Variants in ST6GALNAC3 observed in about 807,000 individuals in gnomAD.
ST6GALNAC3 encodes ST6 N-acetylgalactosaminide alpha-2,6-sialyltransferase 3.
A neutral mutation model predicts 32.7 loss-of-function variants in ST6GALNAC3; 25 were observed. The ratio of observed to expected loss-of-function variants is 0.76; its 90% CI spans 0.56 to 1.07. The LOEUF (loss-of-function observed/expected upper bound fraction) is 1.07. Ranked by LOEUF, ST6GALNAC3 falls within the 50% of genes least tolerant of loss-of-function variation. The probability of loss-of-function intolerance (pLI) is 0.00; values close to 1 mark genes in which losing one functional copy is unlikely to be tolerated. For synonymous variants in ST6GALNAC3, 129 were observed against 133.1 expected (o/e 0.97, Z 0.21); for missense variants, 355 against 382.4 (o/e 0.93, Z 0.60).
At chr1:76,492,657 GTAGTCCGTGGTA>G (rs1201202093) in intron 3 of ST6GALNAC3, among the ~76,000 whole-genome samples, 1 of 152,142 alleles carries the variant, frequency 6.6e-6, no homozygotes, top group African/African-American at 2.4e-5. Flanking sequence ...TGAATGTGAA[GTAGTCCGTGGTA>G]TAGGACAGCA....
intron 2 of ST6GALNAC3, among the ~76,000 whole-genome samples, chr1:76,318,488 C>T (rs1646909164): frequency 1.3e-5 from 2 of 152,104 alleles, no homozygotes; most frequent in Admixed American, 6.6e-5. Flanking sequence ...CTCATCAACA[C>T]GTGTTTAAGC....
intron 3 of ST6GALNAC3, among the ~76,000 whole-genome samples, chr1:76,542,713 T>C (rs138435740): frequency 6.6e-6 from 1 of 152,314 alleles, no homozygotes; most frequent in Non-Finnish European, 1.5e-5. Flanking sequence ...TTTCCAATAA[T>C]ATCCATCTAA....
chr1:76,506,207 G>A (rs1029526911), intron 3 of ST6GALNAC3, among the ~76,000 whole-genome samples: 1 of 152,148 alleles, frequency 6.6e-6, no homozygotes, highest in Admixed American at 6.5e-5. Flanking sequence ...TCTACGTGGT[G>A]CAGGGAAAGC....
chr1:76,559,365 C>T (rs1665114310), intron 3 of ST6GALNAC3, among the ~76,000 whole-genome samples: 1 of 152,136 alleles, frequency 6.6e-6, no homozygotes, highest in Non-Finnish European at 1.5e-5. Flanking sequence ...ACACAACCCT[C>T]CAAAATTAAC....
At chr1:76,408,148 A>T (rs1653966190) in intron 2 of ST6GALNAC3, among the ~76,000 whole-genome samples, 1 of 152,032 alleles carries the variant, frequency 6.6e-6, no homozygotes, top group South Asian at 2.1e-4. Flanking sequence ...GAAGCTCCTG[A>T]TTATGATTAG....
At chr1:76,089,861 T>C (rs550088833) in intron 1 of ST6GALNAC3, among the ~76,000 whole-genome samples, 2 of 152,064 alleles carry the variant, frequency 1.3e-5, no homozygotes, top group Admixed American at 6.5e-5. Context: ...GCACCTACAA[T>C]GTGGCAGATG....
intron 2 of ST6GALNAC3, among the ~76,000 whole-genome samples, chr1:76,335,154 T>C (rs1647357594): frequency 1.3e-5 from 2 of 152,194 alleles, no homozygotes; most frequent in African/African-American, 4.8e-5. Flanking sequence ...AAGTGAAAAT[T>C]GTAAGAAGCA....
intron 3 of ST6GALNAC3, among the ~76,000 whole-genome samples, chr1:76,450,057 C>T (rs1216152537): frequency 5.3e-5 from 8 of 152,142 alleles, no homozygotes; most frequent in African/African-American, 2.4e-5. Context: ...GTATCTTTTT[C>T]GTATAATGAC....
In ST6GALNAC3 at chr1:76,174,042, T is replaced by C. The variant is rs536634103; in HGVS notation, c.18+99158T>C. ...CTACAAAGATACATGCACATGTATG[T>C]TTCCTACAGCACTATTTACGATAGC... On this transcript the variant is annotated intron_variant, in intron 1 of 4. Coordinates refer to ENST00000328299, the MANE Select transcript of ST6GALNAC3 (RefSeq NM_152996.4). Among the ~76,000 whole-genome samples the C allele has an allele frequency of 3.3e-5, 5 of 152,270 alleles. No individual in the cohort carries two copies. The East Asian group carries it at 7.7e-4, about 23-fold the overall frequency.
intron 3 of ST6GALNAC3, among the ~76,000 whole-genome samples, chr1:76,585,731 T>C (rs775296411): frequency 6.6e-6 from 1 of 152,222 alleles, no homozygotes; most frequent in Non-Finnish European, 1.5e-5. Context: ...AACCAACCCA[T>C]TCCATAAGCC....
At chr1:76,097,805 C>T (rs961320240) in intron 1 of ST6GALNAC3, among the ~76,000 whole-genome samples, 2 of 152,102 alleles carry the variant, frequency 1.3e-5, no homozygotes, top group African/African-American at 2.4e-5. Context: ...TGTGAACATT[C>T]CTGTACCTGT....
chr1:76,363,666 G>T (rs1431795714), intron 2 of ST6GALNAC3, among the ~76,000 whole-genome samples: 2 of 152,170 alleles, frequency 1.3e-5, no homozygotes, highest in Non-Finnish European at 2.9e-5. Context: ...AATTTATAAA[G>T]AAAATAGGTT....
At chr1:76,587,495 T>C (rs918592979) in intron 3 of ST6GALNAC3, among the ~76,000 whole-genome samples, 1 of 152,200 alleles carries the variant, frequency 6.6e-6, no homozygotes, top group Admixed American at 6.5e-5. Context: ...TGCATTCTGC[T>C]GCCCGTCCTG....
chr1:76,236,677 A>G (rs1656678895), intron 1 of ST6GALNAC3, among the ~76,000 whole-genome samples: 1 of 152,278 alleles, frequency 6.6e-6, no homozygotes, highest in Middle Eastern at 3.4e-3. Context: ...TATAAACAAG[A>G]CTATAATCTC....
intron 1 of ST6GALNAC3, among the ~76,000 whole-genome samples, chr1:76,258,396 TTCAGA>T (rs898936481): frequency 1.3e-5 from 2 of 152,204 alleles, no homozygotes; most frequent in African/African-American, 4.8e-5. Flanking sequence ...ATACTGCTTC[TTCAGA>T]TCTTTGCTTC....
At chr1:76,626,863 C>T (rs1450245908) in intron 3 of ST6GALNAC3, among the ~76,000 whole-genome samples, 3 of 151,882 alleles carry the variant, frequency 2.0e-5, no homozygotes, top group Admixed American at 6.6e-5. Context: ...AATGGAAATA[C>T]AATGAAGAAG....
chr1:76,114,917 C>CAAAAAA (rs542571151), intron 1 of ST6GALNAC3, among the ~76,000 whole-genome samples: 3 of 78,956 alleles, frequency 3.8e-5, no homozygotes, highest in Non-Finnish European at 5.2e-5. Flanking sequence ...GACCTTGTCT[C>CAAAAAA]AAAAAAAAAA....
chr1:76,443,787 G>A (rs1455141864), intron 3 of ST6GALNAC3, among the ~76,000 whole-genome samples: 2 of 152,160 alleles, frequency 1.3e-5, no homozygotes, highest in Non-Finnish European at 2.9e-5. Context: ...ATAGAAAGTA[G>A]CCTTCTAGTC....
intron 1 of ST6GALNAC3, among the ~76,000 whole-genome samples, chr1:76,268,697 A>G (rs1043720008): frequency 1.3e-5 from 2 of 152,198 alleles, no homozygotes; most frequent in Non-Finnish European, 2.9e-5. Flanking sequence ...AGCAAAGTAG[A>G]TGTGCTGGAA....
Sources: allele counts gnomAD v4.1 joint callset (sites outside exome capture counted in the v4.1 genomes callset), GRCh38; gene constraint gnomAD v4.1.1; transcripts MANE v1.5; gene names NCBI Gene and HGNC (gene_info 2026-07-23, HGNC 2026-07-21).